Variants in STPG2 observed in about 807,000 individuals in gnomAD.
The protein encoded by STPG2 is sperm-tail PG-rich repeat-containing protein 2.
Under a neutral mutation model 54.2 loss-of-function variants are expected in STPG2, and 56 were observed. The ratio of observed to expected loss-of-function variants is 1.03; its 90% CI spans 0.83 to 1.29. STPG2 has a LOEUF of 1.29. Among genes scored for constraint, STPG2 ranks in the 50% most tolerant of loss-of-function variants. The pLI is 0.00. For synonymous variants in STPG2, 200 were observed against 181.8 expected (o/e 1.10, Z -0.81); for missense variants, 596 against 544.9 (o/e 1.09, Z -0.93).
At chr4:97,831,588 GC>G (rs1304625463) in intron 9 of STPG2, among the ~76,000 whole-genome samples, 6 of 152,076 alleles carry the variant, frequency 3.9e-5, no homozygotes, top group Non-Finnish European at 5.9e-5. Context: ...TCCAGGAGCT[GC>G]TTTTTTGAAA....
intron 4 of STPG2, among the ~76,000 whole-genome samples, chr4:97,461,655 G>C (rs1729667177): frequency 6.6e-6 from 1 of 152,164 alleles, no homozygotes; most frequent in African/African-American, 2.4e-5. Flanking sequence ...TGTTACAGCA[G>C]CCCAAACTGA....
chr4:97,796,158 C>G (rs1247646106), intron 9 of STPG2, among the ~76,000 whole-genome samples: 1 of 152,148 alleles, frequency 6.6e-6, no homozygotes, highest in East Asian at 1.9e-4. Flanking sequence ...GTTGCCTGTT[C>G]ACTCTGATGG....
At chr4:97,910,518 T>A (rs1324919952) in intron 8 of STPG2, among the ~76,000 whole-genome samples, 3 of 152,224 alleles carry the variant, frequency 2.0e-5, no homozygotes, top group African/African-American at 7.2e-5. Context: ...GTGGCGTTTT[T>A]AAGCACCAAA....
intron 10 of STPG2, among the ~76,000 whole-genome samples, chr4:97,664,339 C>T (rs1722459478): frequency 6.6e-6 from 1 of 152,186 alleles, no homozygotes; most frequent in Non-Finnish European, 1.5e-5. Context: ...TGCTCTTAAC[C>T]ACTAAGCATA....
intron 5 of STPG2, among the ~76,000 whole-genome samples, chr4:97,982,731 A>C (rs1294709365): frequency 1.3e-5 from 2 of 152,184 alleles, no homozygotes; most frequent in Admixed American, 1.3e-4. Flanking sequence ...TTGTGATTTT[A>C]ACATTTTGGG....
intron 8 of STPG2, among the ~76,000 whole-genome samples, chr4:97,927,810 T>C (rs2149215977): frequency 6.6e-6 from 1 of 152,200 alleles, no homozygotes; most frequent in East Asian, 1.9e-4. Flanking sequence ...ACTATAGTAC[T>C]CAATGAGTTA....
intron 10 of STPG2, among the ~76,000 whole-genome samples, chr4:97,678,567 A>G (rs1295975192): frequency 6.6e-6 from 1 of 152,038 alleles, no homozygotes; most frequent in Admixed American, 6.6e-5. Context: ...AGGAATAGAC[A>G]CTATTATCAT....
At chr4:97,665,158 C>T (rs1196083341) in intron 10 of STPG2, among the ~76,000 whole-genome samples, 1 of 152,294 alleles carries the variant, frequency 6.6e-6, no homozygotes, top group South Asian at 2.1e-4. Flanking sequence ...TAGGTCTGGG[C>T]TCCCCAAAGG....
intron 5 of STPG2, among the ~76,000 whole-genome samples, chr4:98,008,611 TAAAG>T (rs1156619858): frequency 2.0e-5 from 3 of 146,780 alleles, no homozygotes; most frequent in Non-Finnish European, 4.5e-5. Context: ...AGGAGAAAGA[TAAAG>T]AAATAAAATT....
At chr4:97,985,926 G>A (rs901845024) in intron 5 of STPG2, among the ~76,000 whole-genome samples, 5 of 151,094 alleles carry the variant, frequency 3.3e-5, no homozygotes, top group African/African-American at 1.2e-4. Flanking sequence ...AGGCACATGC[G>A]CAAGCGCACG....
intron 5 of STPG2, among the ~76,000 whole-genome samples, chr4:98,102,089 A>G (rs1739055123): frequency 2.0e-5 from 3 of 152,088 alleles, no homozygotes; most frequent in Non-Finnish European, 4.4e-5. Flanking sequence ...CAACTATTTT[A>G]TTTATCTTAT....
chr4:97,958,023 C>A (rs957154559), intron 7 of STPG2, among the ~76,000 whole-genome samples: 1 of 151,854 alleles, frequency 6.6e-6, no homozygotes, highest in Admixed American at 6.6e-5. Flanking sequence ...AAACAAAAAA[C>A]AATGGCCCAG....
At chr4:97,958,309 C>A (rs1431336441) in intron 7 of STPG2, among the ~76,000 whole-genome samples, 5 of 148,620 alleles carry the variant, frequency 3.4e-5, no homozygotes, top group African/African-American at 7.4e-5. Flanking sequence ...GGATGTGTCT[C>A]AAAAAAAAAG....
chr4:97,692,033 C>T (rs1723382734), intron 10 of STPG2, among the ~76,000 whole-genome samples: 1 of 152,110 alleles, frequency 6.6e-6, no homozygotes, highest in African/African-American at 2.4e-5. Context: ...ATCTGAACAG[C>T]AGCCCTCAAG....
At chr4:98,053,897 A>G (rs1356029151) in intron 5 of STPG2, among the ~76,000 whole-genome samples, 1 of 152,174 alleles carries the variant, frequency 6.6e-6, no homozygotes, top group Non-Finnish European at 1.5e-5. Flanking sequence ...TATGCTTCTA[A>G]TAAATAAACT....
At chr4:97,710,590 T>C (rs1394589214) in intron 10 of STPG2, among the ~76,000 whole-genome samples, 1 of 152,092 alleles carries the variant, frequency 6.6e-6, no homozygotes. Flanking sequence ...TCTAGAATTA[T>C]CTTTTCCTGT....
At chr4:97,785,097 T>C (rs1726783163) in intron 9 of STPG2, among the ~76,000 whole-genome samples, 1 of 152,080 alleles carries the variant, frequency 6.6e-6, no homozygotes, top group South Asian at 2.1e-4. Flanking sequence ...CAAAAATATA[T>C]ATCTTTTAAA....
At chr4:98,124,431 T>A (rs1739773886) in intron 3 of STPG2, among the ~76,000 whole-genome samples, 1 of 152,194 alleles carries the variant, frequency 6.6e-6, no homozygotes, top group Non-Finnish European at 1.5e-5. Context: ...CTCCTTCACT[T>A]ATGAAGCTTA....
chr4:97,759,668 C>T (rs1725832782), intron 9 of STPG2, among the ~76,000 whole-genome samples: 1 of 151,944 alleles, frequency 6.6e-6, no homozygotes, highest in Non-Finnish European at 1.5e-5. Context: ...TCATATAAAA[C>T]TGAAAAAATT....
Sources: gnomAD v4.1 joint callset for allele counts (sites outside exome capture counted in the v4.1 genomes callset) on GRCh38, gnomAD v4.1.1 for gene constraint, MANE v1.5 for transcripts, NCBI Gene and HGNC (gene_info 2026-07-23, HGNC 2026-07-21) for gene names.